The following SLC26A11 variants were observed in gnomAD, a reference collection of about 807,000 sequenced individuals.
The protein encoded by SLC26A11 is sodium-independent sulfate anion transporter.
SLC26A11 carries 58 observed loss-of-function variants against 62.2 expected under a neutral mutation model. The ratio of observed to expected loss-of-function variants is 0.93; its 90% CI spans 0.76 to 1.16. The LOEUF (loss-of-function observed/expected upper bound fraction) is 1.16. Among genes scored for constraint, SLC26A11 ranks in the 50% most tolerant of loss-of-function variants. SLC26A11 has a pLI of 0.00. For missense variants in SLC26A11, 790 were observed against 794.3 expected (o/e 0.99, Z 0.06); for synonymous variants, 411 against 368.9 (o/e 1.11, Z -1.31).
Position 80,249,166 on chromosome 17 carries a change from G to A in SLC26A11, c.1535G>A (p.Arg512His), listed in dbSNP as rs758456476. ...CCTGTCTCCCCAGTGTCCCCGCCAC[G>A]CTGCCTGGTCCTGGAGTGCACCCAT... Reference protein sequence around the residue: ...LSRALEVSPPRCLVLECTHVC... With the variant: ...LSRALEVSPPHCLVLECTHVC... The change falls in exon 16 of 18, where the codon CGC becomes CAC. Residue 512 changes from arginine (R) to histidine (H), a missense_variant. Physicochemically the swap from Arg to His is conservative, Grantham distance 29. Transcript: ENST00000361193. 1.2e-5 allele frequency: 20 copies of A among 1,607,768 alleles called. No individual in the cohort carries two copies. The highest frequency in any genetic ancestry group is 2.2e-5 in the East Asian group (1 of 44,848).
chr17:80,222,505 T>C lies in SLC26A11; in HGVS notation c.235-150T>C, dbSNP rs2042250138. ...GCTAAAAAAGTGGCCTCCTGATCAC[T>C]GCAGGTCCACCCACAGGGCAGGGCG... On this transcript the variant is annotated intron_variant, in intron 3 of 17. Coordinates refer to ENST00000361193, the MANE Select transcript of SLC26A11 (RefSeq NM_001166347.2). This position sits in a 1 kb window ranked among gnomAD's most constrained non-coding sequence, Gnocchi z 4.7. The C allele has an allele frequency of 6.5e-6, 5 of 771,054 alleles. No individual in the cohort carries two copies. 47.8% of individuals were successfully genotyped at this position (771,054 alleles called of 1,614,324 possible).
At position 80,225,866 on chromosome 17, in the gene SLC26A11, G is replaced by A; in HGVS notation, c.543G>A (p.Arg181=). The A allele has an allele frequency of 6.2e-7, 1 of 1,614,018 alleles. No individual in the cohort carries two copies. Among genetic ancestry groups the A allele is most frequent in the Non-Finnish European group, 8.5e-7 (1 of 1,179,942 alleles). ...KNLLGLQNIP[R]PFFLQVYHTF... is the part of the protein sequence containing the mutation. Reference sequence around the variant, plus strand: ...TGCTGGGACTACAGAACATCCCCAGGCCGTTCTTCCTGCAGGTGTACCACA... The same window carrying A: ...TGCTGGGACTACAGAACATCCCCAGACCGTTCTTCCTGCAGGTGTACCACA... The change falls in exon 6 of 18, where the codon AGG becomes AGA. Residue 181 remains arginine, a synonymous_variant. Transcript: ENST00000361193.
At chr17:80,247,469 AAC>A (rs2043038497) in intron 13 of SLC26A11, among the ~76,000 whole-genome samples, 2 of 152,152 alleles carry the variant, frequency 1.3e-5, no homozygotes, top group South Asian at 4.1e-4. Flanking sequence ...CCTTTAACTT[AAC>A]ACATTTTGTT....
At chr17:80,236,322 T>C (rs1209226614) in intron 7 of SLC26A11, among the ~76,000 whole-genome samples, 1 of 152,202 alleles carries the variant, frequency 6.6e-6, no homozygotes, top group Non-Finnish European at 1.5e-5. Flanking sequence ...CCTGTGACCT[T>C]GCGGTCAGCT....
At chr17:80,226,294 G>A (rs1598797457) in intron 6 of SLC26A11, among the ~76,000 whole-genome samples, 1 of 152,308 alleles carries the variant, frequency 6.6e-6, no homozygotes, top group East Asian at 1.9e-4. Flanking sequence ...TGTTAAGGAG[G>A]AGAACACAGG....
Position 80,248,134 on chromosome 17 carries a change from G to A in SLC26A11, c.1299G>A (p.Leu433=), listed in dbSNP as rs746206915. Residue 433 remains leucine, a synonymous_variant, in exon 14 of 18, where the codon CTG becomes CTA. Coordinates refer to ENST00000361193, the MANE Select transcript of SLC26A11 (RefSeq NM_001166347.2). ...TCAGCTGTGCCCTTCTCCTAGGGCT[G>A]GACCTGCTGCCCCTGTGCGTGACCT... ...IFRTLWRVKR[L]DLLPLCVTFL... 1.2e-5 allele frequency: 19 copies of A among 1,602,610 alleles called. No individual in the cohort carries two copies. The East Asian group carries it at 2.2e-4, about 19-fold the overall frequency.
chr17:80,235,869 G>A (rs1396570511), intron 7 of SLC26A11, among the ~76,000 whole-genome samples: 1 of 152,210 alleles, frequency 6.6e-6, no homozygotes, highest in African/African-American at 2.4e-5. Flanking sequence ...TTCATTCTAG[G>A]GCAAGCCTAA....
intron 9 of SLC26A11, among the ~76,000 whole-genome samples, chr17:80,240,064 T>C (rs2042815483): frequency 6.6e-6 from 1 of 152,150 alleles, no homozygotes; most frequent in African/African-American, 2.4e-5. Flanking sequence ...GCTGGCCCTT[T>C]ATAGAAAAGC....
chr17:80,245,187 C>T lies in SLC26A11; in HGVS notation c.1037-9C>T, dbSNP rs752517293. 3.7e-6 allele frequency: 6 copies of T among 1,613,892 alleles called. No homozygotes were observed. The highest frequency in any genetic ancestry group is 5.1e-6 in the Non-Finnish European group (6 of 1,179,932). On this transcript the variant is annotated splice_polypyrimidine_tract_variant and intron_variant, in intron 10 of 17. Transcript: ENST00000361193. ...CCTCCACGATCAGCCTGTCTTGCCTCCTCCCCAGGTCTCACCAACATGTTG... is the reference window on the plus strand; with the variant it reads ...CCTCCACGATCAGCCTGTCTTGCCTTCTCCCCAGGTCTCACCAACATGTTG...
At chr17:80,230,951 A>G (rs1269565744) in intron 7 of SLC26A11, among the ~76,000 whole-genome samples, 1 of 152,142 alleles carries the variant, frequency 6.6e-6, no homozygotes, top group Non-Finnish European at 1.5e-5. Flanking sequence ...GAGGCAGAAC[A>G]AGGACTTCAC....
Position 80,245,344 on chromosome 17 carries a change from G to A in SLC26A11, c.1097+88G>A, listed in dbSNP as rs1040326092. The A allele has an allele frequency of 4.4e-6, 6 of 1,369,512 alleles. No homozygotes were observed. In the African/African-American group the frequency reaches 5.7e-5, roughly 13 times the overall value. 84.8% of individuals were successfully genotyped at this position (1,369,512 alleles called of 1,614,324 possible). On this transcript the variant is annotated intron_variant, in intron 11 of 17. Transcript: ENST00000361193. The stretch of plus-strand genomic sequence containing the variant: ...CAAGGAGTCTGCCTGCCCTGACCCC[G>A]GCGCCCCGTCCTCCACTGTGAACGC...
Position 80,225,931 on chromosome 17 carries a change from G to A in SLC26A11, c.593+15G>A. 4 of 1,612,206 alleles carry A rather than the reference G, an allele frequency of 2.5e-6. No individual in the cohort carries two copies. The highest frequency in any genetic ancestry group is 3.4e-6 in the Non-Finnish European group (4 of 1,178,454). On this transcript the variant is annotated intron_variant, in intron 6 of 17. Coordinates refer to ENST00000361193, the MANE Select transcript of SLC26A11 (RefSeq NM_001166347.2). ...GCAGAGACCAGGTACCCCGGGCTTT[G>A]TTCCTCCCTCCTATAAGGAAGCTCC...
intron 10 of SLC26A11, 44 bp from the exon 11 acceptor site, chr17:80,245,152 G>C: frequency 6.3e-7 from 1 of 1,587,906 alleles, no homozygotes; most frequent in Non-Finnish European, 8.6e-7. Context: ...CCTCCATCCT[G>C]TGTGCCTTCC....
chr17:80,236,354 C>G (rs2144924074), intron 7 of SLC26A11, among the ~76,000 whole-genome samples: 1 of 152,374 alleles, frequency 6.6e-6, no homozygotes, highest in African/African-American at 2.4e-5. Flanking sequence ...CCTCCTCAGA[C>G]TTCCTCCCAG....
In SLC26A11 at chr17:80,249,423, T is replaced by C. The variant is rs1032551473; in HGVS notation, c.1656+136T>C. 4.9e-6 allele frequency: 6 copies of C among 1,236,652 alleles called. No individual in the cohort carries two copies. The Admixed American group carries it at 1.2e-4, about 24-fold the overall frequency. The allele number at this position is 1,236,652 out of a possible 1,614,324, so 76.6% of individuals were successfully genotyped here. The stretch of plus-strand genomic sequence containing the variant: ...CGGCCGGTGCTGGCTCTGCTTCTGA[T>C]TTAAACAGTTCTTGTTCCCATCTGG... On this transcript the variant is annotated intron_variant, in intron 16 of 17. Transcript: ENST00000361193.
chr17:80,242,486 A>G (rs2042890045), intron 10 of SLC26A11, among the ~76,000 whole-genome samples: 1 of 152,092 alleles, frequency 6.6e-6, no homozygotes, highest in African/African-American at 2.4e-5. Context: ...GGGGGTCAAG[A>G]GGGGAAGGCT....
Position 80,237,592 on chromosome 17 carries a change from T to A in SLC26A11, c.983T>A (p.Phe328Tyr). ...GAGAGCATTGCGGTGGCCAAAGCCT[T>A]CGGTAAGACGCCTGTCACCCACACC... ...LLESIAVAKA[F>Y]ASQNNYRIDA... is the part of the protein sequence containing the mutation. The change falls in exon 9 of 18, where the codon TTC (phenylalanine) becomes TAC (tyrosine). Residue 328 changes from phenylalanine (F) to tyrosine (Y), a missense_variant and splice_region_variant. Physicochemically the swap from Phe to Tyr is conservative, Grantham distance 22 (BLOSUM62 3). Coordinates refer to ENST00000361193, the MANE Select transcript of SLC26A11 (RefSeq NM_001166347.2). 1 of 1,610,676 alleles carries A rather than the reference T, an allele frequency of 6.2e-7. No individual in the cohort carries two copies. The highest frequency in any genetic ancestry group is 8.5e-7 in the Non-Finnish European group (1 of 1,178,674).
In SLC26A11 at chr17:80,222,142, C is replaced by T. The variant is rs569864249; in HGVS notation, c.234+348C>T. The stretch of plus-strand genomic sequence containing the variant: ...CTGTAATCCCAGCACTTTGGGAGGC[C>T]GAGGCAGGCGGATCGCAAGGTCAGG... On this transcript the variant is annotated intron_variant, in intron 3 of 17. Coordinates refer to ENST00000361193, the MANE Select transcript of SLC26A11 (RefSeq NM_001166347.2). This position sits in a 1 kb window ranked among gnomAD's most constrained non-coding sequence, Gnocchi z 4.7. The T allele has an allele frequency of 1.8e-4, 42 of 232,244 alleles. No individual in the cohort carries two copies. Among genetic ancestry groups the T allele is most frequent in the Non-Finnish European group, 2.9e-4 (35 of 120,744 alleles). The allele number at this position is 232,244 out of a possible 1,614,324, so 14.4% of individuals were successfully genotyped here. A position where few individuals can be genotyped will look rare whatever the true frequency, so the allele number is the denominator to read the frequency against.
chr17:80,226,028 C>A (rs1163921932), intron 6 of SLC26A11, 112 bp downstream of exon 6: 13 of 872,478 alleles, frequency 1.5e-5, no homozygotes, highest in Non-Finnish European at 2.4e-5. Context: ...ACAGGGGTCC[C>A]CAGAGCAGCC....
Sources: allele counts gnomAD v4.1 joint callset (sites outside exome capture counted in the v4.1 genomes callset), GRCh38; gene constraint gnomAD v4.1.1; non-coding constraint Gnocchi (gnomAD v3.1); transcripts MANE v1.5; gene names NCBI Gene and HGNC (gene_info 2026-07-23, HGNC 2026-07-21).